PDE3B: variants seen among roughly 807,000 people sequenced by gnomAD.
PDE3B encodes phosphodiesterase 3B.
A neutral mutation model predicts 116.8 loss-of-function variants in PDE3B; 66 were observed. The ratio of observed to expected loss-of-function variants is 0.56; its 90% CI spans 0.46 to 0.69. The LOEUF (loss-of-function observed/expected upper bound fraction) is 0.69, where lower values mean the gene tolerates loss of function less well. Ranked by LOEUF, PDE3B falls within the 30% of genes least tolerant of loss-of-function variation. PDE3B has a pLI of 0.00. For missense variants in PDE3B, 1,384 were observed against 1,368.1 expected (o/e 1.01, Z -0.18); for synonymous variants, 595 against 533.6 (o/e 1.12, Z -1.59).
chr11:14,762,717 T>C (rs1159918080), intron 1 of PDE3B, among the ~76,000 whole-genome samples: 1 of 152,216 alleles, frequency 6.6e-6, no homozygotes, highest in East Asian at 1.9e-4. Flanking sequence ...CAAGAGAGCA[T>C]GATGGCTTAG....
chr11:14,818,740 T>C (rs1203916738), intron 6 of PDE3B, among the ~76,000 whole-genome samples: 1 of 152,098 alleles, frequency 6.6e-6, no homozygotes, highest in Admixed American at 6.5e-5. Flanking sequence ...ATTTTAGTGG[T>C]TATTAATTTT....
intron 5 of PDE3B, among the ~76,000 whole-genome samples, chr11:14,809,497 A>G (rs116880391): frequency 5.3e-3 from 805 of 152,366 alleles, no homozygotes; most frequent in Non-Finnish European, 9.6e-3. Context: ...AAATTGTACA[A>G]ATCTACTCAT....
chr11:14,675,960 A>C (rs575759747), intron 1 of PDE3B, among the ~76,000 whole-genome samples: 176 of 152,250 alleles, frequency 1.2e-3, no homozygotes, highest in African/African-American at 3.9e-3. Flanking sequence ...AAACTGACAT[A>C]CACTTTTTCA....
chr11:14,660,422 C>T (rs910886609), intron 1 of PDE3B, among the ~76,000 whole-genome samples: 3 of 151,842 alleles, frequency 2.0e-5, no homozygotes, highest in Non-Finnish European at 4.4e-5. Context: ...CCACTTCAGC[C>T]TCTGGAGTAG....
intron 1 of PDE3B, among the ~76,000 whole-genome samples, chr11:14,732,702 G>A (rs1856492850): frequency 6.6e-6 from 1 of 152,120 alleles, no homozygotes; most frequent in South Asian, 2.1e-4. Context: ...ATCCAAATCT[G>A]CACATACTCA....
intron 7 of PDE3B, among the ~76,000 whole-genome samples, chr11:14,823,845 G>C (rs1859597889): frequency 6.6e-6 from 1 of 152,114 alleles, no homozygotes; most frequent in Admixed American, 6.5e-5. Context: ...CACTGGGCAG[G>C]TCCTCCTGGC....
chr11:14,876,441 C>G (rs1848190191), downstream of PDE3B, among the ~76,000 whole-genome samples: 1 of 152,122 alleles, frequency 6.6e-6, no homozygotes, highest in Non-Finnish European at 1.5e-5. Context: ...TCTTCTGACT[C>G]TTCATAATTA....
At chr11:14,891,877 C>A in the PDE3B span, 2 of 1,450,046 alleles carry the variant, frequency 1.4e-6, no homozygotes, top group Non-Finnish European at 1.8e-6. Context: ...CGGAGAGGTC[C>A]CGACTAGTCG....
intron 4 of PDE3B, among the ~76,000 whole-genome samples, chr11:14,791,334 T>C (rs1330881888): frequency 6.6e-6 from 1 of 152,076 alleles, no homozygotes; most frequent in Non-Finnish European, 1.5e-5. Flanking sequence ...TCAGCATGAT[T>C]CCGGTGTTGA....
At chr11:14,675,349 A>G (rs772247897) in intron 1 of PDE3B, among the ~76,000 whole-genome samples, 1 of 151,978 alleles carries the variant, frequency 6.6e-6, no homozygotes, top group East Asian at 1.9e-4. Flanking sequence ...TTTCTTATCA[A>G]TATTGTTATT....
At chr11:14,674,233 A>G in intron 1 of PDE3B, 1 of 1,220,486 alleles carries the variant, frequency 8.2e-7, no homozygotes, top group Non-Finnish European at 1.2e-6. Flanking sequence ...TTTTGTTTTC[A>G]CTTCAACATT....
intron 1 of PDE3B, among the ~76,000 whole-genome samples, chr11:14,746,959 G>C (rs575682551): frequency 6.6e-6 from 1 of 152,234 alleles, no homozygotes; most frequent in South Asian, 2.1e-4. Flanking sequence ...GGTTTAGTTG[G>C]CTCATAGTTC....
At chr11:14,667,895 C>T (rs1478357871) in intron 1 of PDE3B, among the ~76,000 whole-genome samples, 2 of 151,504 alleles carry the variant, frequency 1.3e-5, no homozygotes, top group Non-Finnish European at 2.9e-5. Context: ...ACTGCCATGT[C>T]CAAAATAATG....
chr11:14,835,467 A>G (rs1860026017), intron 11 of PDE3B, among the ~76,000 whole-genome samples: 1 of 151,996 alleles, frequency 6.6e-6, no homozygotes, highest in Non-Finnish European at 1.5e-5. Context: ...TTTCAAGTAC[A>G]TCACATACAT....
intron 5 of PDE3B, 68 bp downstream of exon 5, chr11:14,804,118 C>T (rs1165376767): frequency 6.2e-6 from 5 of 807,058 alleles, no homozygotes; most frequent in Non-Finnish European, 2.1e-6. Context: ...AAACACTTTT[C>T]ATCACATATT....
chr11:14,706,910 A>G (rs1855550689), intron 1 of PDE3B, among the ~76,000 whole-genome samples: 2 of 151,910 alleles, frequency 1.3e-5, no homozygotes, highest in Admixed American at 1.3e-4. Flanking sequence ...ACATCTGATA[A>G]GTGTCAAGAT....
At chr11:14,839,648 G>T (rs1860161670) in intron 11 of PDE3B, among the ~76,000 whole-genome samples, 1 of 152,200 alleles carries the variant, frequency 6.6e-6, no homozygotes, top group African/African-American at 2.4e-5. Context: ...TTCACAAGAA[G>T]ACATATATTT....
rs973093884 is a variant in PDE3B, at chr11:14,687,603, G to A, written c.978+42550G>A. On this transcript the variant is annotated intron_variant, in intron 1 of 15. Coordinates refer to ENST00000282096, the MANE Select transcript of PDE3B (RefSeq NM_000922.4). ...AGCCTGTTTTATGCATTATACCTGG[G>A]CTGTACCAAGAGCAGATGGCAAGTT... is the stretch of plus-strand genomic sequence containing the variant. 7.2e-4 allele frequency among the ~76,000 whole-genome samples: 110 copies of A among 152,046 alleles called. 1 individual carries two copies. Among genetic ancestry groups the A allele is most frequent in the African/African-American group, 2.7e-3 (110 of 41,392 alleles).
intron 4 of PDE3B, among the ~76,000 whole-genome samples, chr11:14,801,918 T>C (rs1858782230): frequency 6.6e-6 from 1 of 152,242 alleles, no homozygotes; most frequent in African/African-American, 2.4e-5. Flanking sequence ...TGGGCTGCTT[T>C]GTTTACACTG....
Sources: allele counts gnomAD v4.1 joint callset (sites outside exome capture counted in the v4.1 genomes callset), GRCh38; gene constraint gnomAD v4.1.1; transcripts MANE v1.5; gene names NCBI Gene and HGNC (gene_info 2026-07-23, HGNC 2026-07-21).